DTNA: variants seen among roughly 807,000 people sequenced by gnomAD.
DTNA encodes the protein dystrophin-related protein 3.
DTNA carries 43 observed loss-of-function variants against 100.7 expected under a neutral mutation model. The observed-to-expected ratio is 0.43, with a 90% confidence interval of 0.33 to 0.55. The LOEUF (loss-of-function observed/expected upper bound fraction) is 0.55, where lower values mean the gene tolerates loss of function less well. Among genes scored for constraint, DTNA ranks in the 20% least tolerant of loss-of-function variants. DTNA has a pLI of 0.04. For missense variants in DTNA, 798 were observed against 953.9 expected, an observed-to-expected ratio of 0.84 and a Z score of 2.15; for synonymous variants, 349 against 347.9, an observed-to-expected ratio of 1.00 and a Z score of -0.04.
chr18:34,871,856 A>G (rs2096769029), intron 17 of DTNA, among the ~76,000 whole-genome samples: 2 of 152,224 alleles, frequency 1.3e-5, no homozygotes, highest in Non-Finnish European at 2.9e-5. Context: ...TCCTACCCCC[A>G]AAAGTCTGGG....
At chr18:34,717,323 A>G (rs1188457129) in intron 1 of DTNA, among the ~76,000 whole-genome samples, 3 of 152,226 alleles carry the variant, frequency 2.0e-5, no homozygotes, top group African/African-American at 7.2e-5. Context: ...ATTAAGCACA[A>G]CAAATAGGGT....
At chr18:34,573,957 A>C (rs1568684168) in intron 1 of DTNA, 1 of 152,522 alleles carries the variant, frequency 6.6e-6, no homozygotes, top group Non-Finnish European at 1.5e-5. Flanking sequence ...TGTGTGTGGC[A>C]CTGAAATGTA....
At chr18:34,727,940 A>C (rs2087100445) in intron 1 of DTNA, among the ~76,000 whole-genome samples, 2 of 152,120 alleles carry the variant, frequency 1.3e-5, no homozygotes, top group East Asian at 3.9e-4. Flanking sequence ...TCTAATCCTA[A>C]TATTAAGAGG....
chr18:34,849,166 A>G (rs2096435832), intron 14 of DTNA, among the ~76,000 whole-genome samples: 1 of 152,240 alleles, frequency 6.6e-6, no homozygotes, highest in Non-Finnish European at 1.5e-5. Flanking sequence ...ATCAGACATG[A>G]TAAAACAGAG....
intron 4 of DTNA, among the ~76,000 whole-genome samples, chr18:34,800,994 TTATTA>T (rs140773895): frequency 0.025 from 3,847 of 152,258 alleles, 165 homozygotes; most frequent in African/African-American, 0.087. Flanking sequence ...TCTCACTTCT[TTATTA>T]TGACAAGTCA....
chr18:34,592,822 A>C (rs960748542), intron 1 of DTNA, among the ~76,000 whole-genome samples: 2 of 152,202 alleles, frequency 1.3e-5, no homozygotes, highest in Admixed American at 6.5e-5. Context: ...GTAAAATTAC[A>C]TGTGGACATT....
chr18:34,597,885 G>A (rs2050969797), intron 1 of DTNA, among the ~76,000 whole-genome samples: 1 of 147,092 alleles, frequency 6.8e-6, no homozygotes, highest in Non-Finnish European at 1.5e-5. Context: ...TTCTTTTTAA[G>A]TGTATAGCTC....
chr18:34,590,401 A>G (rs1397670819), intron 1 of DTNA, among the ~76,000 whole-genome samples: 1 of 152,228 alleles, frequency 6.6e-6, no homozygotes. Flanking sequence ...TGACAAAAAT[A>G]TTAGCTATAA....
intron 8 of DTNA, among the ~76,000 whole-genome samples, chr18:34,820,364 G>T (rs1191585212): frequency 6.6e-6 from 1 of 152,038 alleles, no homozygotes; most frequent in Non-Finnish European, 1.5e-5. Context: ...ACTCTTCATG[G>T]TCTGCCTCTG....
intron 5 of DTNA, among the ~76,000 whole-genome samples, chr18:34,809,036 C>T (rs1195859344): frequency 6.6e-6 from 1 of 152,122 alleles, no homozygotes; most frequent in Non-Finnish European, 1.5e-5. Flanking sequence ...TTCCAGGTAA[C>T]TTGGTTAAAA....
Position 34,654,457 on chromosome 18 carries a change from A to C in DTNA, c.-1-101519A>C, listed in dbSNP as rs2074063472. 7.2e-5 allele frequency among the ~76,000 whole-genome samples: 11 copies of C among 152,306 alleles called. No individual in the cohort carries two copies. In the South Asian group the frequency reaches 2.3e-3, roughly 32 times the overall value. ...TAAAGATGAGGAAACGCTTTTAGAG[A>C]AAATAAGTCACAGATGTAAGTCCAT... On this transcript the variant is annotated intron_variant, in intron 1 of 19. Coordinates refer to the DTNA transcript ENST00000283365.
chr18:34,698,617 A>G (rs969884237), intron 1 of DTNA, among the ~76,000 whole-genome samples: 1 of 152,230 alleles, frequency 6.6e-6, no homozygotes, highest in East Asian at 1.9e-4. Context: ...ATTAAGGAGT[A>G]TTGACTCACA....
intron 17 of DTNA, among the ~76,000 whole-genome samples, chr18:34,869,959 T>G (rs1313970856): frequency 6.6e-6 from 1 of 152,172 alleles, no homozygotes; most frequent in Non-Finnish European, 1.5e-5. Flanking sequence ...AGGCGGAGCT[T>G]GCAGTGAGCT....
intron 1 of DTNA, among the ~76,000 whole-genome samples, chr18:34,566,282 TAA>T (rs1181691091): frequency 7.1e-6 from 1 of 141,368 alleles, no homozygotes; most frequent in Admixed American, 7.1e-5. Flanking sequence ...AATTAATCTT[TAA>T]AAAAAAAAAA....
At chr18:34,531,246 A>G (rs781191315) in intron 1 of DTNA, among the ~76,000 whole-genome samples, 18 of 152,118 alleles carry the variant, frequency 1.2e-4, no homozygotes, top group Non-Finnish European at 2.5e-4. Flanking sequence ...ATGACCTAAC[A>G]CTGTTGAGAT....
intron 13 of DTNA, among the ~76,000 whole-genome samples, chr18:34,845,329 G>A (rs1315233568): frequency 1.3e-5 from 2 of 152,110 alleles, no homozygotes; most frequent in Admixed American, 6.6e-5. Flanking sequence ...GTTATCACTT[G>A]CTATACAGAA....
chr18:34,561,326 A>G (rs952660590), intron 1 of DTNA, among the ~76,000 whole-genome samples: 1 of 152,214 alleles, frequency 6.6e-6, no homozygotes, highest in Non-Finnish European at 1.5e-5. Context: ...GGGAGCCTTA[A>G]GAATTTTACA....
intron 1 of DTNA, among the ~76,000 whole-genome samples, chr18:34,603,483 A>G (rs183029612): frequency 2.0e-4 from 31 of 152,188 alleles, no homozygotes; most frequent in African/African-American, 7.5e-4. Flanking sequence ...GTAGAGTTCA[A>G]TGGTAATAAA....
intron 19 of DTNA, among the ~76,000 whole-genome samples, chr18:34,879,081 A>G (rs2096847215): frequency 6.6e-6 from 1 of 152,206 alleles, no homozygotes; most frequent in African/African-American, 2.4e-5. Flanking sequence ...TAGAAGTCTT[A>G]AGTACTGTTA....
Sources: allele counts gnomAD v4.1 joint callset (sites outside exome capture counted in the v4.1 genomes callset), GRCh38; gene constraint gnomAD v4.1.1; transcripts MANE v1.5; gene names NCBI Gene and HGNC (gene_info 2026-07-23, HGNC 2026-07-21).